IL1RAPL1: variants seen among roughly 807,000 people sequenced by gnomAD.
The protein encoded by IL1RAPL1 is interleukin 1 receptor accessory protein like 1.
A neutral mutation model predicts 48.4 loss-of-function variants in IL1RAPL1; 3 were observed. The observed-to-expected ratio is 0.06, with a 90% CI of 0.03 to 0.16. The LOEUF is 0.16. Ranked by LOEUF, IL1RAPL1 falls within the 10% of genes least tolerant of loss-of-function variation. IL1RAPL1 has a pLI of 1.00. For missense variants in IL1RAPL1, 349 were observed against 530.6 expected, an observed-to-expected ratio of 0.66 and a Z score of 3.36; for synonymous variants, 185 against 187.7, an observed-to-expected ratio of 0.99 and a Z score of 0.12.
chrX:29,200,476 T>C (rs764150483), intron 2 of IL1RAPL1, among the ~76,000 whole-genome samples: 1 of 112,289 alleles, frequency 8.9e-6, no homozygotes, highest in South Asian at 3.7e-4. Flanking sequence ...ATATGACTAT[T>C]GCAAATAGTT....
At chrX:29,082,759 TTA>T (rs1476200438) in intron 2 of IL1RAPL1, among the ~76,000 whole-genome samples, 2 of 111,651 alleles carry the variant, frequency 1.8e-5, no homozygotes, top group African/African-American at 6.5e-5. Context: ...GCGGCAGGTG[TTA>T]TGAGTCAGCA....
intron 1 of IL1RAPL1, among the ~76,000 whole-genome samples, chrX:28,781,361 G>C (rs2147261754): frequency 9.3e-6 from 1 of 107,926 alleles, no homozygotes; most frequent in East Asian, 2.9e-4. Flanking sequence ...AGCTCCTAGA[G>C]GTTGATGGCC....
At chrX:29,951,044 G>A (rs778366907) in intron 9 of IL1RAPL1, among the ~76,000 whole-genome samples, 1 of 111,413 alleles carries the variant, frequency 9.0e-6, no homozygotes, top group African/African-American at 3.3e-5. Flanking sequence ...AAGGAGCCTT[G>A]CTAAACTCTG....
At chrX:29,016,411 T>C (rs908722888) in intron 2 of IL1RAPL1, among the ~76,000 whole-genome samples, 2 of 111,657 alleles carry the variant, frequency 1.8e-5, no homozygotes, top group African/African-American at 6.5e-5. Flanking sequence ...AATGGGATCA[T>C]ATGGGCAAAA....
chrX:29,892,579 A>T (rs1178633728), intron 6 of IL1RAPL1, among the ~76,000 whole-genome samples: 1 of 112,602 alleles, frequency 8.9e-6, no homozygotes, highest in African/African-American at 3.2e-5. Flanking sequence ...CTGTTTGGCA[A>T]CTTGGGAAGA....
chrX:29,387,532 A>G (rs1029514926), intron 3 of IL1RAPL1, among the ~76,000 whole-genome samples: 1 of 112,152 alleles, frequency 8.9e-6, no homozygotes, highest in Non-Finnish European at 1.9e-5. Context: ...TCACATCGAG[A>G]ATGTCAACTA....
chrX:29,192,135 C>T (rs1930363379), intron 2 of IL1RAPL1, among the ~76,000 whole-genome samples: 1 of 111,602 alleles, frequency 9.0e-6, no homozygotes. Context: ...TTCCCCACCC[C>T]TCCAAAGGGG....
At chrX:29,104,493 G>A (rs910588865) in intron 2 of IL1RAPL1, among the ~76,000 whole-genome samples, 2 of 110,244 alleles carry the variant, frequency 1.8e-5, no homozygotes, top group Non-Finnish European at 3.8e-5. Flanking sequence ...ATTGGGAGGG[G>A]GAGTGGGAGT....
At chrX:29,671,578 G>C (rs898901899) in intron 6 of IL1RAPL1, among the ~76,000 whole-genome samples, 25 of 112,268 alleles carry the variant, frequency 2.2e-4, no homozygotes, top group Non-Finnish European at 1.1e-4. Flanking sequence ...GCAAATATGT[G>C]AATAGCACTT....
intron 6 of IL1RAPL1, among the ~76,000 whole-genome samples, chrX:29,704,540 G>A (rs769702650): frequency 9.0e-6 from 1 of 110,523 alleles, no homozygotes; most frequent in South Asian, 3.9e-4. Context: ...ATGGTGGCGC[G>A]TGACTGTAAT....
chrX:29,577,106 C>G (rs1306924750), intron 5 of IL1RAPL1, among the ~76,000 whole-genome samples: 1 of 111,484 alleles, frequency 9.0e-6, no homozygotes, highest in Non-Finnish European at 1.9e-5. Context: ...TTAAATTTAA[C>G]AAAACTGAAT....
At chrX:28,793,159 A>G (rs924231824) in intron 2 of IL1RAPL1, among the ~76,000 whole-genome samples, 1 of 109,018 alleles carries the variant, frequency 9.2e-6, no homozygotes, top group Non-Finnish European at 1.9e-5. Context: ...CAATATTACC[A>G]ATCCCCGTCA....
At chrX:29,741,750 G>A (rs113661365) in intron 6 of IL1RAPL1, among the ~76,000 whole-genome samples, 10 of 107,397 alleles carry the variant, frequency 9.3e-5, no homozygotes, top group South Asian at 4.3e-4. Context: ...GCGAAATCTC[G>A]TCTCTACTAA....
intron 5 of IL1RAPL1, among the ~76,000 whole-genome samples, chrX:29,432,739 C>T (rs1296340739): frequency 9.0e-6 from 1 of 111,524 alleles, no homozygotes; most frequent in Non-Finnish European, 1.9e-5. Flanking sequence ...AGCAATGACT[C>T]ATTTACCTGC....
At chrX:29,228,332 AGTGTGTGTGTGTGTGTGTGTGTGTGTGT>A (rs1555978439) in intron 2 of IL1RAPL1, among the ~76,000 whole-genome samples, 1 of 79,559 alleles carries the variant, frequency 1.3e-5, no homozygotes, top group Non-Finnish European at 2.4e-5. Context: ...AGTTTTGCCT[AGTGTGTGTGTGTGTGTGTGTGTGTGTGT>A]GTGTGTGTGT....
At chrX:29,686,709 C>T (rs1159618154) in intron 6 of IL1RAPL1, among the ~76,000 whole-genome samples, 2 of 109,004 alleles carry the variant, frequency 1.8e-5, no homozygotes, top group Non-Finnish European at 3.8e-5. Context: ...AGGCGCCCGC[C>T]ACCACGCCCA....
intron 2 of IL1RAPL1, among the ~76,000 whole-genome samples, chrX:28,813,425 T>G (rs1936817922): frequency 9.0e-6 from 1 of 111,378 alleles, no homozygotes; most frequent in Admixed American, 9.6e-5. Flanking sequence ...CCTTTTAAAT[T>G]TGTTAGGTTA....
rs762270926 is a variant in IL1RAPL1 at position 29,410,254 on chromosome X, A to C, written c.703+10946A>C. Reference sequence around the variant, plus strand: ...GAGGTGGGCAGATCACAAGATCAAGAGATCGAGACCATCCTGGCCAATGTG... The same window carrying C: ...GAGGTGGGCAGATCACAAGATCAAGCGATCGAGACCATCCTGGCCAATGTG... On this transcript the variant is annotated intron_variant, in intron 5 of 10. Coordinates refer to ENST00000378993, the MANE Select transcript of IL1RAPL1 (RefSeq NM_014271.4). Among the ~76,000 whole-genome samples the C allele has an allele frequency of 1.3e-3, 145 of 110,368 alleles. 2 individuals are homozygous for C. The highest frequency in any genetic ancestry group is 4.6e-3 in the African/African-American group (140 of 30,391).
chrX:29,103,131 T>C (rs1193207011), intron 2 of IL1RAPL1, among the ~76,000 whole-genome samples: 1 of 111,817 alleles, frequency 8.9e-6, no homozygotes, highest in Non-Finnish European at 1.9e-5. Flanking sequence ...AATCCAAGAA[T>C]TTATATGGAA....
Sources: allele counts gnomAD v4.1 joint callset (sites outside exome capture counted in the v4.1 genomes callset), GRCh38; gene constraint gnomAD v4.1.1; transcripts MANE v1.5; gene names NCBI Gene and HGNC (gene_info 2026-07-23, HGNC 2026-07-21).